The following ARHGEF3 variants were observed in gnomAD, a reference collection of about 807,000 sequenced individuals.
ARHGEF3 encodes 59.8 kDA protein.
ARHGEF3 carries 28 observed loss-of-function variants against 63.2 expected under a neutral mutation model. The observed-to-expected ratio is 0.44, with a 90% CI of 0.33 to 0.61. The LOEUF (loss-of-function observed/expected upper bound fraction) is 0.61, where lower values mean the gene tolerates loss of function less well. Among genes scored for constraint, ARHGEF3 ranks in the 20% least tolerant of loss-of-function variants. The pLI is 0.03. For missense variants in ARHGEF3, 533 were observed against 659.3 expected (o/e 0.81, Z 2.10); for synonymous variants, 266 against 254.2 (o/e 1.05, Z -0.44).
chr3:56,781,966 C>T (rs4681859), intron 1 of ARHGEF3, among the ~76,000 whole-genome samples: 100,890 of 151,976 alleles, frequency 0.66, 34,580 homozygotes, highest in East Asian at 0.93. Context: ...CGGTGGACAA[C>T]ACAGGAACGT....
At chr3:56,912,384 C>T (rs2041876002) in intron 3 of ARHGEF3, among the ~76,000 whole-genome samples, 1 of 152,178 alleles carries the variant, frequency 6.6e-6, no homozygotes, top group African/African-American at 2.4e-5. Context: ...GCAGATGTTG[C>T]ACATAATAGG....
At chr3:56,996,494 A>G (rs78920501) in intron 2 of ARHGEF3, among the ~76,000 whole-genome samples, 1,897 of 152,262 alleles carry the variant, frequency 0.012, 40 homozygotes, top group African/African-American at 0.042. Context: ...TGCATTAATA[A>G]AAGGCCCCAG....
intron 1 of ARHGEF3, among the ~76,000 whole-genome samples, chr3:56,797,416 T>C (rs902276959): frequency 6.6e-6 from 1 of 152,172 alleles, no homozygotes. Context: ...AGTGATGGCC[T>C]TTTTCTGGGT....
chr3:56,807,107 A>T (rs1207419429), intron 4 of ARHGEF3, among the ~76,000 whole-genome samples: 3 of 151,428 alleles, frequency 2.0e-5, no homozygotes, highest in Admixed American at 2.0e-4. Flanking sequence ...CTGGTCTCGA[A>T]CTCCTGACCT....
At chr3:56,798,270 A>G (rs1455210921) in intron 1 of ARHGEF3, among the ~76,000 whole-genome samples, 2 of 152,212 alleles carry the variant, frequency 1.3e-5, no homozygotes, top group Non-Finnish European at 2.9e-5. Context: ...AATTTTTAAA[A>G]CTGCTGAGAG....
chr3:57,023,974 TC>T (rs1365694762), intron 2 of ARHGEF3, among the ~76,000 whole-genome samples: 2 of 152,222 alleles, frequency 1.3e-5, no homozygotes, highest in African/African-American at 4.8e-5. Context: ...GAGATAGACT[TC>T]CTTGACTTTA....
intron 4 of ARHGEF3, among the ~76,000 whole-genome samples, chr3:56,818,270 T>A (rs1426034138): frequency 1.3e-5 from 2 of 152,164 alleles, no homozygotes; most frequent in Admixed American, 6.5e-5. Flanking sequence ...TTCTGAATTT[T>A]ATGTGACAGG....
Position 56,992,375 on chromosome 3 carries a change from TAAAAAAAAAAAA to T in ARHGEF3, c.63-33498_63-33487del, listed in dbSNP as rs57740672. Among the ~76,000 whole-genome samples, 160 of 46,138 alleles carry T rather than the reference TAAAAAAAAAAAA, an allele frequency of 3.5e-3. 2 individuals are homozygous for T. The South Asian group carries it at 0.045, about 13-fold the overall frequency. The allele number at this position is 46,138 out of a possible 152,430, so 30.3% of individuals were successfully genotyped here. ...GGTCCTATGGTAGGGAGGATGGCTT[TAAAAAAAAAAAA>T]AAAAAAAAAAAAAAAAAAAAAAAAA... is the stretch of plus-strand genomic sequence containing the variant. On this transcript the variant is annotated intron_variant, in intron 2 of 12. Transcript: ENST00000338458.
chr3:57,071,269 T>A (rs1478580452), intron 1 of ARHGEF3, among the ~76,000 whole-genome samples: 3 of 152,040 alleles, frequency 2.0e-5, no homozygotes, highest in African/African-American at 7.2e-5. Flanking sequence ...ATGCAAAAAA[T>A]GAAGCTAGAC....
intron 7 of ARHGEF3, among the ~76,000 whole-genome samples, chr3:56,743,547 A>G (rs2107727310): frequency 6.6e-6 from 1 of 152,302 alleles, no homozygotes; most frequent in East Asian, 1.9e-4. Context: ...GCTATCTCCT[A>G]GGCTGTTGTG....
At chr3:56,985,419 A>G (rs767333200) in intron 2 of ARHGEF3, among the ~76,000 whole-genome samples, 4 of 152,240 alleles carry the variant, frequency 2.6e-5, no homozygotes, top group Non-Finnish European at 5.9e-5. Context: ...ATTGGAATAC[A>G]CATTCTCTTT....
chr3:57,013,937 C>T (rs1378812006), intron 2 of ARHGEF3, among the ~76,000 whole-genome samples: 2 of 152,198 alleles, frequency 1.3e-5, no homozygotes, highest in East Asian at 1.9e-4. Context: ...CTCTTTGGGT[C>T]AATTTCCACT....
intron 4 of ARHGEF3, among the ~76,000 whole-genome samples, chr3:56,855,844 G>C (rs1295965762): frequency 1.3e-5 from 2 of 152,162 alleles, no homozygotes; most frequent in Non-Finnish European, 2.9e-5. Context: ...TACAGATGAT[G>C]ATGACACAGT....
chr3:57,033,130 G>A (rs1703799767), intron 2 of ARHGEF3, among the ~76,000 whole-genome samples: 1 of 152,216 alleles, frequency 6.6e-6, no homozygotes, highest in Admixed American at 6.5e-5. Context: ...AAGATGGTGA[G>A]CAAATAGGAG....
intron 1 of ARHGEF3, among the ~76,000 whole-genome samples, chr3:57,068,547 C>T (rs181256042): frequency 6.6e-6 from 1 of 152,318 alleles, no homozygotes; most frequent in African/African-American, 2.4e-5. Context: ...CAGCCCAGAA[C>T]ACATGAAATG....
chr3:56,810,820 A>G (rs543607976), intron 4 of ARHGEF3, among the ~76,000 whole-genome samples: 1 of 152,336 alleles, frequency 6.6e-6, no homozygotes, highest in Admixed American at 6.5e-5. Flanking sequence ...ATGAATTGGA[A>G]TCTTTGGCAG....
At chr3:56,854,638 G>A (rs2039803103) in intron 4 of ARHGEF3, among the ~76,000 whole-genome samples, 1 of 152,056 alleles carries the variant, frequency 6.6e-6, no homozygotes, top group Non-Finnish European at 1.5e-5. Context: ...GGAGGACTCT[G>A]GAGATATTTA....
intron 3 of ARHGEF3, among the ~76,000 whole-genome samples, chr3:56,935,071 A>G (rs1227337550): frequency 1.3e-5 from 2 of 150,484 alleles, no homozygotes; most frequent in Admixed American, 6.6e-5. Flanking sequence ...GCCTTGGAGA[A>G]CCTTTATGTC....
At chr3:57,075,129 G>T (rs1706150272) in intron 1 of ARHGEF3, 1 of 167,130 alleles carries the variant, frequency 6.0e-6, no homozygotes, top group African/African-American at 2.4e-5. Context: ...TCCCTCATTT[G>T]TCTGGGTTTC....
Sources: gnomAD v4.1 joint callset for allele counts (sites outside exome capture counted in the v4.1 genomes callset) on GRCh38, gnomAD v4.1.1 for gene constraint, MANE v1.5 for transcripts, NCBI Gene and HGNC (gene_info 2026-07-23, HGNC 2026-07-21) for gene names.